C6orf118: variants seen among roughly 807,000 people sequenced by gnomAD.
C6orf118 encodes chromosome 6 open reading frame 118.
A neutral mutation model predicts 50.2 loss-of-function variants in C6orf118; 50 were observed. The observed-to-expected ratio is 1.00, with a 90% CI of 0.79 to 1.26. The LOEUF (loss-of-function observed/expected upper bound fraction) is 1.26. Ranked by LOEUF, C6orf118 falls within the 50% of genes most tolerant of loss-of-function variation. C6orf118 has a pLI of 0.00. For synonymous variants in C6orf118, 239 were observed against 230.9 expected, an observed-to-expected ratio of 1.03 and a Z score of -0.32; for missense variants, 641 against 578.7, an observed-to-expected ratio of 1.11 and a Z score of -1.10.
intron 7 of C6orf118, 41 bp downstream of exon 7, chr6:165,289,844 GC>G: frequency 7.2e-7 from 1 of 1,394,932 alleles, no homozygotes; most frequent in Non-Finnish European, 9.6e-7. Flanking sequence ...AGGTCTTCAA[GC>G]AAAAGAATAA....
rs925545937 is a variant in C6orf118, at chr6:165,298,109, G to A, written c.937-8C>T. On this transcript the variant is annotated splice_polypyrimidine_tract_variant and splice_region_variant and intron_variant, in intron 4 of 8. Coordinates refer to ENST00000230301, the MANE Select transcript of C6orf118 (RefSeq NM_144980.4). Reference sequence around the variant, plus strand: ...GAGTTGAGCCAGAAGAGCCTAGGCAGGACCAGGTACATGAGGTGAGACAAG... The same window carrying A: ...GAGTTGAGCCAGAAGAGCCTAGGCAAGACCAGGTACATGAGGTGAGACAAG... 2 of 1,580,190 alleles carry A rather than the reference G, an allele frequency of 1.3e-6. No homozygotes were observed. The highest frequency in any genetic ancestry group is 2.7e-5 in the African/African-American group (2 of 73,688).
At chr6:165,306,535 C>CAAAAAAAAAAAA (rs60755206) in intron 1 of C6orf118, among the ~76,000 whole-genome samples, 3 of 39,686 alleles carry the variant, frequency 7.6e-5, no homozygotes, top group East Asian at 1.2e-3. Flanking sequence ...TAGGTGAATG[C>CAAAAAAAAAAAA]AAAAAAAAAA....
At chr6:165,283,173 G>A (rs1354654444) in intron 7 of C6orf118, among the ~76,000 whole-genome samples, 1 of 152,090 alleles carries the variant, frequency 6.6e-6, no homozygotes, top group Non-Finnish European at 1.5e-5. Context: ...ACTGACTAGG[G>A]GGTTGGCACG....
chr6:165,300,994 C>T (rs540732773), intron 2 of C6orf118, among the ~76,000 whole-genome samples: 4 of 152,150 alleles, frequency 2.6e-5, no homozygotes, highest in Non-Finnish European at 4.4e-5. Context: ...GGTTCTTCCA[C>T]CGTCAGCCAG....
intron 5 of C6orf118, among the ~76,000 whole-genome samples, chr6:165,295,714 G>A (rs1417638649): frequency 6.6e-6 from 1 of 151,794 alleles, no homozygotes; most frequent in Non-Finnish European, 1.5e-5. Flanking sequence ...TGTTTAGAGG[G>A]GAAAAGGACA....
intron 6 of C6orf118, among the ~76,000 whole-genome samples, chr6:165,290,380 C>T (rs1229316111): frequency 6.6e-6 from 1 of 151,932 alleles, no homozygotes; most frequent in Non-Finnish European, 1.5e-5. Flanking sequence ...CAAGAAACAA[C>T]AAGAAAGTGA....
chr6:165,306,535 CAAAAAAAAAAAAAAA>C (rs60755206), intron 1 of C6orf118, among the ~76,000 whole-genome samples: 2 of 39,710 alleles, frequency 5.0e-5, no homozygotes, highest in African/African-American at 7.6e-5. Flanking sequence ...TAGGTGAATG[CAAAAAAAAAAAAAAA>C]AAAAAAAAAA....
At chr6:165,296,255 T>TG (rs1780300261) in intron 5 of C6orf118, among the ~76,000 whole-genome samples, 6 of 62,522 alleles carry the variant, frequency 9.6e-5, no homozygotes, top group South Asian at 7.2e-4. Context: ...TTTTTGTTTT[T>TG]TTTTTTTTTT....
rs374613411 is a variant in C6orf118, at chr6:165,294,848, A to C, written c.1062-1377T>G. Among the ~76,000 whole-genome samples, 7 of 152,204 alleles carry C rather than the reference A, an allele frequency of 4.6e-5. No individual in the cohort carries two copies. The East Asian group carries it at 9.7e-4, about 21-fold the overall frequency. ...CAGTGAGCCATGATCATGCCACTAC[A>C]CTCCAGCCTGGGCAACAGAGCAAGA... is the stretch of plus-strand genomic sequence containing the variant. On this transcript the variant is annotated intron_variant, in intron 5 of 8. Transcript: ENST00000230301.
chr6:165,288,151 A>T (rs942586357), intron 7 of C6orf118, among the ~76,000 whole-genome samples: 1 of 152,232 alleles, frequency 6.6e-6, no homozygotes, highest in Non-Finnish European at 1.5e-5. Flanking sequence ...AAAAGAAGAC[A>T]TACATGTGGC....
At chr6:165,291,235 T>C (rs1780095091) in intron 6 of C6orf118, among the ~76,000 whole-genome samples, 2 of 151,944 alleles carry the variant, frequency 1.3e-5, no homozygotes, top group Non-Finnish European at 2.9e-5. Context: ...AAAAAACGAT[T>C]TAGGAAATAG....
At chr6:165,302,797 G>C (rs1780609378) in intron 1 of C6orf118, among the ~76,000 whole-genome samples, 1 of 152,120 alleles carries the variant, frequency 6.6e-6, no homozygotes, top group African/African-American at 2.4e-5. Context: ...TCTTCCTGCA[G>C]CATCCCTACA....
chr6:165,301,670 A>C lies in C6orf118; in HGVS notation c.652T>G (p.Phe218Val). The change falls in exon 2 of 9, where the codon TTC (phenylalanine) becomes GTC (valine). Residue 218 changes from phenylalanine to valine, a missense_variant. Coordinates refer to ENST00000230301, the MANE Select transcript of C6orf118 (RefSeq NM_144980.4). ...GATSADRYRMFLRFQKEVLAK... is the reference protein window; with the variant it reads ...GATSADRYRMVLRFQKEVLAK... ...AGCACTTCCTTCTGGAAACGCAGGA[A>C]CATCCTGTACCTGTCTGCGCTGGTG... The C allele has an allele frequency of 6.2e-7, 1 of 1,614,140 alleles. No individual in the cohort carries two copies.
intron 1 of C6orf118, among the ~76,000 whole-genome samples, chr6:165,308,512 C>T (rs987015784): frequency 6.6e-6 from 1 of 152,116 alleles, no homozygotes; most frequent in Non-Finnish European, 1.5e-5. Flanking sequence ...TCCACTGGGC[C>T]TGGAAGGGGT....
At chr6:165,295,180 T>C (rs1780247007) in intron 5 of C6orf118, among the ~76,000 whole-genome samples, 1 of 152,226 alleles carries the variant, frequency 6.6e-6, no homozygotes, top group Non-Finnish European at 1.5e-5. Flanking sequence ...CCTATTATGT[T>C]TTCATTCAAA....
At chr6:165,306,573 CAG>C (rs1780745545) in intron 1 of C6orf118, among the ~76,000 whole-genome samples, 1 of 43,900 alleles carries the variant, frequency 2.3e-5, no homozygotes, top group South Asian at 8.0e-4. Context: ...AAATGATTAA[CAG>C]AACAAATTCT....
intron 5 of C6orf118, among the ~76,000 whole-genome samples, chr6:165,294,080 A>G (rs1020850059): frequency 4.6e-5 from 7 of 151,954 alleles, no homozygotes; most frequent in African/African-American, 1.7e-4. Context: ...CCCCATCTCC[A>G]CTGAAAATAC....
intron 6 of C6orf118, among the ~76,000 whole-genome samples, chr6:165,290,325 T>C (rs1389039676): frequency 2.6e-5 from 4 of 151,874 alleles, no homozygotes; most frequent in Non-Finnish European, 4.4e-5. Flanking sequence ...GGTTCAATGG[T>C]GAATTAGCCC....
rs997048691 is a variant in C6orf118 at position 165,279,805 on chromosome 6, A to T, written c.*252T>A. On this transcript the variant is annotated 3_prime_UTR_variant, in exon 9 of 9. Coordinates refer to ENST00000230301, the MANE Select transcript of C6orf118 (RefSeq NM_144980.4). ...AAAGTATTTTCCAAAGTTGAACATTATTAAATGAAAGTAAAACATACGTTA... is the reference window on the plus strand; with the variant it reads ...AAAGTATTTTCCAAAGTTGAACATTTTTAAATGAAAGTAAAACATACGTTA... 1.4e-5 allele frequency: 5 copies of T among 369,946 alleles called. No individual in the cohort carries two copies. The highest frequency in any genetic ancestry group is 1.0e-4 in the African/African-American group (5 of 47,766). The allele number at this position is 369,946 out of a possible 1,614,324, so 22.9% of individuals were successfully genotyped here.
Sources: gnomAD v4.1 joint callset for allele counts (sites outside exome capture counted in the v4.1 genomes callset) on GRCh38, gnomAD v4.1.1 for gene constraint, MANE v1.5 for transcripts, NCBI Gene and HGNC (gene_info 2026-07-23, HGNC 2026-07-21) for gene names.